The following THSD4 variants were observed in gnomAD, a reference collection of about 807,000 sequenced individuals.
The protein encoded by THSD4 is thrombospondin type 1 domain containing 4, also known as thrombospondin type-1 domain-containing protein 4.
In THSD4, 69 loss-of-function variants were observed where a neutral mutation model predicts 119.0. That is an observed-to-expected ratio of 0.58 (90% CI 0.48 to 0.71). The LOEUF is 0.71. THSD4 is among the 30% of genes least tolerant of loss of function. The pLI is 0.00. For synonymous variants in THSD4, 524 were observed against 540.4 expected, an observed-to-expected ratio of 0.97 and a Z score of 0.42; for missense variants, 1,393 against 1,391.1, an observed-to-expected ratio of 1.00 and a Z score of -0.02.
chr15:71,172,949 T>C (rs2043396569), intron 3 of THSD4, among the ~76,000 whole-genome samples: 2 of 151,540 alleles, frequency 1.3e-5, no homozygotes, highest in Non-Finnish European at 2.9e-5. Context: ...TCATACTCAA[T>C]GGTGAAAGCA....
At chr15:71,346,868 C>CTTTTTTTTTTTTTTTTTTTTTTTTTT (rs71154763) in intron 6 of THSD4, among the ~76,000 whole-genome samples, 1 of 86,010 alleles carries the variant, frequency 1.2e-5, no homozygotes, top group African/African-American at 4.8e-5. Context: ...TTTTCATTTT[C>CTTTTTTTTTTTTTTTTTTTTTTTTTT]TTTTTTTTTT....
intron 2 of THSD4, among the ~76,000 whole-genome samples, chr15:71,150,632 A>G (rs1334041651): frequency 6.6e-6 from 1 of 152,250 alleles, no homozygotes; most frequent in Admixed American, 6.5e-5. Context: ...TTGAACATCT[A>G]AATGTAATTT....
At chr15:71,605,386 TG>T (rs1208325054) in intron 7 of THSD4, among the ~76,000 whole-genome samples, 2 of 152,236 alleles carry the variant, frequency 1.3e-5, no homozygotes, top group Non-Finnish European at 2.9e-5. Flanking sequence ...TGGATTGAGA[TG>T]GGAGCCCCTG....
intron 6 of THSD4, among the ~76,000 whole-genome samples, chr15:71,410,437 G>A (rs1019261496): frequency 2.0e-5 from 3 of 152,174 alleles, no homozygotes; most frequent in Admixed American, 2.0e-4. Flanking sequence ...AAGTACAAAT[G>A]CAGGCCAGCC....
At chr15:71,571,362 T>A (rs1384896498) in intron 7 of THSD4, among the ~76,000 whole-genome samples, 1 of 152,138 alleles carries the variant, frequency 6.6e-6, no homozygotes, top group Non-Finnish European at 1.5e-5. Context: ...AAATAAACCC[T>A]GGCCCAGGCT....
intron 6 of THSD4, among the ~76,000 whole-genome samples, chr15:71,306,885 G>A (rs1053891153): frequency 6.6e-6 from 1 of 152,122 alleles, no homozygotes; most frequent in Non-Finnish European, 1.5e-5. Flanking sequence ...CCTTCACAGA[G>A]CATTCTTTAG....
intron 3 of THSD4, among the ~76,000 whole-genome samples, chr15:71,192,195 C>T (rs1241382297): frequency 1.3e-5 from 2 of 152,092 alleles, no homozygotes; most frequent in East Asian, 3.9e-4. Context: ...AGCCACCGCA[C>T]CTGGCCTTCT....
intron 6 of THSD4, among the ~76,000 whole-genome samples, chr15:71,321,013 G>A (rs1046539958): frequency 2.0e-5 from 3 of 152,212 alleles, no homozygotes; most frequent in Non-Finnish European, 4.4e-5. Flanking sequence ...GAAAATAAAC[G>A]TTAAAACATT....
intron 6 of THSD4, among the ~76,000 whole-genome samples, chr15:71,294,923 T>TAAAGAA (rs2044841814): frequency 7.2e-6 from 1 of 138,158 alleles, no homozygotes; most frequent in Non-Finnish European, 1.5e-5. Context: ...CTCACAGCTG[T>TAAAGAA]AAAAAAAAAA....
At chr15:71,752,962 C>T (rs143339780) in intron 14 of THSD4, among the ~76,000 whole-genome samples, 15 of 152,302 alleles carry the variant, frequency 9.8e-5, no homozygotes, top group African/African-American at 3.1e-4. Context: ...GGAATAAACA[C>T]GTGTTGAGCA....
chr15:71,520,390 G>A (rs1296080360), intron 7 of THSD4, among the ~76,000 whole-genome samples: 3 of 152,160 alleles, frequency 2.0e-5, no homozygotes, highest in African/African-American at 7.2e-5. Context: ...TGGAAGCATG[G>A]AGCCTAGGAG....
At chr15:71,768,968 T>TCAGCCCCCCGCC (rs2053766523) in intron 16 of THSD4, among the ~76,000 whole-genome samples, 1 of 71,644 alleles carries the variant, frequency 1.4e-5, no homozygotes, top group African/African-American at 5.1e-5. Flanking sequence ...GGTGGGGGGG[T>TCAGCCCCCCGCC]CGGCCCCCCG....
intron 6 of THSD4, among the ~76,000 whole-genome samples, chr15:71,384,694 C>A (rs1029380250): frequency 2.0e-5 from 3 of 152,160 alleles, no homozygotes; most frequent in Admixed American, 6.5e-5. Flanking sequence ...AGTTCTGGAG[C>A]CCACATTTTA....
intron 7 of THSD4, among the ~76,000 whole-genome samples, chr15:71,537,524 A>G (rs1006777358): frequency 1.3e-5 from 2 of 151,954 alleles, no homozygotes; most frequent in Admixed American, 6.6e-5. Flanking sequence ...AATGAGGACA[A>G]TCTCCCTATA....
At chr15:71,560,860 G>C (rs1339448066) in intron 7 of THSD4, among the ~76,000 whole-genome samples, 1 of 151,844 alleles carries the variant, frequency 6.6e-6, no homozygotes. Flanking sequence ...GATGTCTTTT[G>C]TATAGTGGGA....
intron 1 of THSD4, among the ~76,000 whole-genome samples, chr15:71,125,375 T>C (rs2040445040): frequency 6.6e-6 from 1 of 152,232 alleles, no homozygotes; most frequent in African/African-American, 2.4e-5. Context: ...GAATAAACTT[T>C]TGCTCCCTCT....
chr15:71,437,581 A>C (rs2047029572), intron 7 of THSD4, among the ~76,000 whole-genome samples: 1 of 152,212 alleles, frequency 6.6e-6, no homozygotes, highest in African/African-American at 2.4e-5. Flanking sequence ...GAGGTAGGGT[A>C]AGGTCAGAGA....
At chr15:71,142,900 G>T (rs2040618872) in intron 2 of THSD4, among the ~76,000 whole-genome samples, 2 of 152,184 alleles carry the variant, frequency 1.3e-5, no homozygotes, top group African/African-American at 4.8e-5. Context: ...GTAATATATA[G>T]CATATTACAT....
intron 6 of THSD4, among the ~76,000 whole-genome samples, chr15:71,370,507 A>G (rs1429588091): frequency 6.6e-6 from 1 of 152,136 alleles, no homozygotes; most frequent in Non-Finnish European, 1.5e-5. Flanking sequence ...GTTTCAAAGA[A>G]TATCTTTATT....
Sources: allele counts gnomAD v4.1 joint callset (sites outside exome capture counted in the v4.1 genomes callset), GRCh38; gene constraint gnomAD v4.1.1; transcripts MANE v1.5; gene names NCBI Gene and HGNC (gene_info 2026-07-23, HGNC 2026-07-21).